The following TBL1XR1 variants were observed in gnomAD, a reference collection of about 807,000 sequenced individuals.
TBL1XR1 encodes the protein F-box-like/WD repeat-containing protein TBL1XR1.
A neutral mutation model predicts 66.9 loss-of-function variants in TBL1XR1; 5 were observed. The ratio of observed to expected loss-of-function variants is 0.07; its 90% confidence interval spans 0.04 to 0.16. TBL1XR1 has a LOEUF of 0.16. Among genes scored for constraint, TBL1XR1 ranks in the 10% least tolerant of loss-of-function variants. The probability of loss-of-function intolerance (pLI) is 1.00; values close to 1 mark genes in which losing one functional copy is unlikely to be tolerated. For synonymous variants in TBL1XR1, 210 were observed against 206.0 expected (o/e 1.02, Z -0.17); for missense variants, 238 against 623.2 (o/e 0.38, Z 6.58).
chr3:177,034,803 A>G (rs1165902022), intron 12 of TBL1XR1, among the ~76,000 whole-genome samples: 3 of 145,650 alleles, frequency 2.1e-5, no homozygotes, highest in Non-Finnish European at 4.5e-5. Flanking sequence ...GAAAAGTAGG[A>G]AAAAAAAAAA....
chr3:177,174,032 GCAA>G (rs905056173), intron 1 of TBL1XR1, among the ~76,000 whole-genome samples: 37 of 152,098 alleles, frequency 2.4e-4, no homozygotes, highest in African/African-American at 8.0e-4. Flanking sequence ...ACACCCACTA[GCAA>G]CTTCATGAAC....
chr3:177,186,964 A>T (rs1210892861), intron 1 of TBL1XR1, among the ~76,000 whole-genome samples: 1 of 152,002 alleles, frequency 6.6e-6, no homozygotes, highest in Non-Finnish European at 1.5e-5. Flanking sequence ...CAGGAGATCG[A>T]GACCATCCCG....
At chr3:177,056,567 T>C (rs1233540578) in intron 3 of TBL1XR1, among the ~76,000 whole-genome samples, 1 of 152,238 alleles carries the variant, frequency 6.6e-6, no homozygotes, top group Non-Finnish European at 1.5e-5. Context: ...CAAACTTAAA[T>C]GCTCTGCTTA....
In TBL1XR1 at chr3:177,043,686, C is replaced by T. The variant is rs576840070; in HGVS notation, c.925+2443G>A. ...TGCCTTTTAATATTTAGGCCATTTA[C>T]ACTTATTTTGCTTTGTCATATGGTT... On this transcript the variant is annotated intron_variant, in intron 10 of 15. Coordinates refer to ENST00000457928, the MANE Select transcript of TBL1XR1 (RefSeq NM_024665.7). 7.9e-5 allele frequency among the ~76,000 whole-genome samples: 12 copies of T among 152,194 alleles called. No individual in the cohort carries two copies. In the South Asian group the frequency reaches 2.5e-3, roughly 32 times the overall value.
In TBL1XR1 at chr3:177,024,895, T is replaced by C. The variant is rs144236885; in HGVS notation, c.*603A>G. 9.0e-3 allele frequency: 1,379 copies of C among 152,606 alleles called. 6 individuals carry two copies. Among genetic ancestry groups the C allele is most frequent in the Non-Finnish European group, 0.015 (1,028 of 67,998 alleles). 9.5% of individuals were successfully genotyped at this position (152,606 alleles called of 1,614,324 possible). On this transcript the variant is annotated 3_prime_UTR_variant, in exon 16 of 16. Coordinates refer to ENST00000457928, the MANE Select transcript of TBL1XR1 (RefSeq NM_024665.7). The stretch of plus-strand genomic sequence containing the variant: ...TGGGAGCCATAAAATGTACCAAACA[T>C]CTACCTCTTCAAAAGAATGCATTAA...
chr3:177,088,780 T>G (rs1019326258), intron 2 of TBL1XR1, among the ~76,000 whole-genome samples: 2 of 151,996 alleles, frequency 1.3e-5, no homozygotes, highest in Admixed American at 6.6e-5. Flanking sequence ...TACTGTTGAT[T>G]TGGGAATCAG....
chr3:177,085,720 C>T (rs1211158629), intron 2 of TBL1XR1, among the ~76,000 whole-genome samples: 2 of 152,090 alleles, frequency 1.3e-5, no homozygotes, highest in Non-Finnish European at 2.9e-5. Context: ...CAATAAAATT[C>T]TGTTTTAATA....
chr3:177,189,931 CACT>C (rs1227906210), intron 1 of TBL1XR1, among the ~76,000 whole-genome samples: 1 of 151,838 alleles, frequency 6.6e-6, no homozygotes, highest in Non-Finnish European at 1.5e-5. Flanking sequence ...AACTTAGGTA[CACT>C]ACTAAGGAAA....
chr3:177,053,791 T>C lies in TBL1XR1; in HGVS notation c.186A>G (p.Ala62=). The C allele has an allele frequency of 1.9e-6, 3 of 1,612,598 alleles. No homozygotes were observed. The highest frequency in any genetic ancestry group is 2.5e-6 in the Non-Finnish European group (3 of 1,179,728). Residue 62 remains alanine (A), a synonymous_variant, in exon 4 of 16, where the codon GCA becomes GCG. Transcript: ENST00000457928. ...TCCTTACCTCATTAATACTAACTTC[T>C]GCTTCTACATACTGTAGACCTTTCT... ...IIQKGLQYVE[A]EVSINEDGTL...
intron 1 of TBL1XR1, among the ~76,000 whole-genome samples, chr3:177,152,243 G>C (rs1250342661): frequency 1.3e-5 from 2 of 152,084 alleles, no homozygotes; most frequent in African/African-American, 4.8e-5. Flanking sequence ...ATTCACTTTA[G>C]ATTATGCTTT....
At chr3:177,197,563 CGCGGCGGCG>C (rs550182398), upstream of TBL1XR1, among the ~76,000 whole-genome samples, 22 of 144,364 alleles carry the variant, frequency 1.5e-4, no homozygotes, top group African/African-American at 4.2e-4. Flanking sequence ...TCGCGAGGCC[CGCGGCGGCG>C]GCGGCGGCGG....
intron 1 of TBL1XR1, among the ~76,000 whole-genome samples, chr3:177,189,064 C>T (rs1320410363): frequency 2.6e-5 from 4 of 151,034 alleles, no homozygotes; most frequent in East Asian, 2.0e-4. Context: ...AAAAATTAGC[C>T]GGGCATGGTG....
chr3:177,052,020 C>T lies in TBL1XR1; in HGVS notation c.205-294G>A, dbSNP rs181559141. ...GATGTAGGCCGAGCTGATAAAAAGG[C>T]TTATTAATTAGATTCTGAAATTCTG... On this transcript the variant is annotated intron_variant, in intron 4 of 15. Coordinates refer to ENST00000457928, the MANE Select transcript of TBL1XR1 (RefSeq NM_024665.7). Among the ~76,000 whole-genome samples the T allele has an allele frequency of 5.9e-5, 9 of 152,154 alleles. No individual in the cohort carries two copies. The East Asian group carries it at 1.3e-3, about 23-fold the overall frequency.
intron 1 of TBL1XR1, among the ~76,000 whole-genome samples, chr3:177,165,923 C>T (rs1047094372): frequency 8.1e-6 from 1 of 122,832 alleles, no homozygotes; most frequent in Non-Finnish European, 1.9e-5. Context: ...ATGGCAAAAG[C>T]GTTATCTCCA....
chr3:177,031,420 C>T (rs901536886), intron 14 of TBL1XR1, among the ~76,000 whole-genome samples: 5 of 151,076 alleles, frequency 3.3e-5, no homozygotes, highest in African/African-American at 1.2e-4. Context: ...CTACAACCTC[C>T]ACTTCTGGGT....
chr3:177,201,191 T>G (rs13094330), upstream of TBL1XR1, among the ~76,000 whole-genome samples: 66,124 of 150,780 alleles, frequency 0.44, 16,129 homozygotes, highest in Non-Finnish European at 0.55. Flanking sequence ...GGCGGGCGGA[T>G]CACGAGGTCG....
chr3:177,054,080 G>GCA (rs1255935294), intron 3 of TBL1XR1, among the ~76,000 whole-genome samples, 162 bp from the exon 4 acceptor site: 10 of 151,950 alleles, frequency 6.6e-5, no homozygotes, highest in South Asian at 2.1e-4. Flanking sequence ...GTGTGCGCGC[G>GCA]CGTGTGTGTG....
chr3:177,046,477 T>C (rs1035796001), intron 9 of TBL1XR1, among the ~76,000 whole-genome samples: 1 of 152,166 alleles, frequency 6.6e-6, no homozygotes, highest in Non-Finnish European at 1.5e-5. Flanking sequence ...AAAAACTCCA[T>C]TGTAATAGTA....
At chr3:177,132,440 G>A (rs1237614294) in intron 1 of TBL1XR1, among the ~76,000 whole-genome samples, 5 of 152,158 alleles carry the variant, frequency 3.3e-5, no homozygotes, top group East Asian at 1.9e-4. Flanking sequence ...TTTAAGTATC[G>A]TTTTTCAGCA....
Sources: allele counts gnomAD v4.1 joint callset (sites outside exome capture counted in the v4.1 genomes callset), GRCh38; gene constraint gnomAD v4.1.1; transcripts MANE v1.5; gene names NCBI Gene and HGNC (gene_info 2026-07-23, HGNC 2026-07-21).